NRXN3: variants seen among roughly 807,000 people sequenced by gnomAD.
NRXN3 encodes the protein neurexin 3.
Under a neutral mutation model 137.6 loss-of-function variants are expected in NRXN3, and 32 were observed. The observed-to-expected ratio is 0.23, with a 90% CI of 0.18 to 0.31. NRXN3 has a LOEUF of 0.31. Among genes scored for constraint, NRXN3 ranks in the 10% least tolerant of loss-of-function variants. NRXN3 has a pLI of 1.00. For synonymous variants in NRXN3, 798 were observed against 784.5 expected, an observed-to-expected ratio of 1.02 and a Z score of -0.29; for missense variants, 1,574 against 2,062.5, an observed-to-expected ratio of 0.76 and a Z score of 4.59.
At chr14:78,829,909 G>A (rs191696894) in intron 10 of NRXN3, among the ~76,000 whole-genome samples, 3 of 152,202 alleles carry the variant, frequency 2.0e-5, no homozygotes. Flanking sequence ...AGACAAGGTA[G>A]TTTTCTAGGC....
At chr14:78,777,187 A>C (rs148577809) in intron 8 of NRXN3, among the ~76,000 whole-genome samples, 3 of 152,288 alleles carry the variant, frequency 2.0e-5, no homozygotes, top group African/African-American at 7.2e-5. Flanking sequence ...CCATCCTTCC[A>C]TATCAGAGTC....
At chr14:79,860,891 C>T in intron 20 of NRXN3, 1 of 506,120 alleles carries the variant, frequency 2.0e-6, no homozygotes, top group Non-Finnish European at 3.2e-6. Flanking sequence ...CAGAAGGCTC[C>T]AAATCTGCCT....
At chr14:79,377,547 AG>A (rs1372067596) in intron 15 of NRXN3, among the ~76,000 whole-genome samples, 1 of 152,106 alleles carries the variant, frequency 6.6e-6, no homozygotes, top group African/African-American at 2.4e-5. Context: ...TGAGGTCAGG[AG>A]TTCAAGACCA....
At chr14:78,974,256 A>C (rs989837750) in intron 14 of NRXN3, among the ~76,000 whole-genome samples, 2 of 152,184 alleles carry the variant, frequency 1.3e-5, no homozygotes, top group Admixed American at 6.5e-5. Flanking sequence ...CTCAATCTGA[A>C]TGCAAGACAA....
intron 16 of NRXN3, among the ~76,000 whole-genome samples, chr14:79,538,119 G>A (rs2097232378): frequency 3.3e-5 from 5 of 152,182 alleles, no homozygotes; most frequent in East Asian, 1.9e-4. Context: ...CATATCCTTT[G>A]CCCACTTTTT....
intron 15 of NRXN3, among the ~76,000 whole-genome samples, chr14:79,209,817 A>G (rs1379337517): frequency 6.6e-6 from 1 of 152,156 alleles, no homozygotes; most frequent in African/African-American, 2.4e-5. Context: ...GTCCTCTTAA[A>G]TCCCAAAGTC....
intron 15 of NRXN3, among the ~76,000 whole-genome samples, chr14:79,410,710 C>T (rs1204912149): frequency 6.6e-6 from 1 of 151,924 alleles, no homozygotes; most frequent in Admixed American, 6.6e-5. Context: ...TTATTCATTG[C>T]CGATTAGAAG....
intron 1 of NRXN3, among the ~76,000 whole-genome samples, chr14:78,232,077 CT>C (rs1217772338): frequency 6.6e-6 from 1 of 152,256 alleles, no homozygotes; most frequent in African/African-American, 2.4e-5. Flanking sequence ...TTCCTGCCCC[CT>C]GGCATCACAT....
chr14:79,866,946 A>G lies in NRXN3; in HGVS notation c.*4982A>G, dbSNP rs893687204. 3.3e-5 allele frequency: 5 copies of G among 152,228 alleles called. No individual in the cohort carries two copies. The highest frequency in any genetic ancestry group is 2.0e-4 in the Admixed American group (3 of 15,284). 9.4% of individuals were successfully genotyped at this position (152,228 alleles called of 1,614,324 possible). ...GCAGCAGTCCACTGACAGCACCAGT[A>G]GGAAGGCGCTAATGAAAAGATCTCT... is the stretch of plus-strand genomic sequence containing the variant. On this transcript the variant is annotated 3_prime_UTR_variant, in exon 21 of 21. Transcript: ENST00000335750.
At chr14:78,494,421 G>GTTT (rs139596761) in intron 4 of NRXN3, among the ~76,000 whole-genome samples, 7 of 132,494 alleles carry the variant, frequency 5.3e-5, no homozygotes, top group African/African-American at 1.8e-4. Context: ...TACCAGAGGT[G>GTTT]TTTTGTTTTT....
chr14:79,045,068 G>C (rs1332789200), intron 15 of NRXN3, among the ~76,000 whole-genome samples: 1 of 152,102 alleles, frequency 6.6e-6, no homozygotes, highest in Non-Finnish European at 1.5e-5. Context: ...CTCTTGGCCA[G>C]AGTTTATCAA....
intron 15 of NRXN3, among the ~76,000 whole-genome samples, chr14:79,162,419 T>G (rs376793507): frequency 6.6e-6 from 1 of 151,800 alleles, no homozygotes; most frequent in South Asian, 2.1e-4. Flanking sequence ...TGCGATAGTT[T>G]ACTGAGAATG....
chr14:79,688,933 T>C (rs2098705688), intron 17 of NRXN3, among the ~76,000 whole-genome samples: 1 of 152,166 alleles, frequency 6.6e-6, no homozygotes, highest in South Asian at 2.1e-4. Flanking sequence ...TAATATGTTT[T>C]TTTCTAAAAC....
intron 10 of NRXN3, among the ~76,000 whole-genome samples, chr14:78,841,448 G>C (rs1040533088): frequency 6.6e-6 from 1 of 152,036 alleles, no homozygotes; most frequent in Non-Finnish European, 1.5e-5. Flanking sequence ...CATCTTGGAT[G>C]ATGAGGGCTT....
intron 8 of NRXN3, among the ~76,000 whole-genome samples, chr14:78,715,939 G>T (rs1459416910): frequency 6.6e-6 from 1 of 152,112 alleles, no homozygotes; most frequent in East Asian, 1.9e-4. Flanking sequence ...TACCATACAG[G>T]TTCACTGTAT....
intron 20 of NRXN3, among the ~76,000 whole-genome samples, chr14:79,855,164 G>A (rs1474188921): frequency 6.6e-6 from 1 of 152,148 alleles, no homozygotes; most frequent in African/African-American, 2.4e-5. Context: ...AATATTTCAG[G>A]TGGGTACCAT....
At chr14:79,299,915 A>G (rs1432098168) in intron 15 of NRXN3, among the ~76,000 whole-genome samples, 1 of 152,138 alleles carries the variant, frequency 6.6e-6, no homozygotes, top group East Asian at 1.9e-4. Context: ...TTGAGCATCC[A>G]TTCAGCATGT....
intron 15 of NRXN3, among the ~76,000 whole-genome samples, chr14:79,047,105 T>C (rs1420439957): frequency 1.3e-5 from 2 of 151,618 alleles, no homozygotes; most frequent in African/African-American, 2.4e-5. Context: ...CTAGTTGAAT[T>C]TAGAGAGTAG....
chr14:78,787,140 G>C (rs764695541), intron 8 of NRXN3, among the ~76,000 whole-genome samples: 2 of 152,120 alleles, frequency 1.3e-5, no homozygotes, highest in African/African-American at 4.8e-5. Flanking sequence ...TTTGGTTCAC[G>C]TTGTATTTGT....
Sources: allele counts gnomAD v4.1 joint callset (sites outside exome capture counted in the v4.1 genomes callset), GRCh38; gene constraint gnomAD v4.1.1; transcripts MANE v1.5; gene names NCBI Gene and HGNC (gene_info 2026-07-23, HGNC 2026-07-21).